Variants in ROBO2 observed in about 807,000 individuals in gnomAD.
The protein encoded by ROBO2 is roundabout homolog 2.
ROBO2 carries 53 observed loss-of-function variants against 160.8 expected under a neutral mutation model. The ratio of observed to expected loss-of-function variants is 0.33; its 90% CI spans 0.26 to 0.41. The LOEUF is 0.41. Ranked by LOEUF, ROBO2 falls within the 10% of genes least tolerant of loss-of-function variation. The pLI is 1.00. For synonymous variants in ROBO2, 664 were observed against 611.7 expected (o/e 1.09, Z -1.26); for missense variants, 1,577 against 1,722.4 (o/e 0.92, Z 1.49).
intron 2 of ROBO2, among the ~76,000 whole-genome samples, chr3:77,371,026 A>G (rs1020729704): frequency 6.6e-6 from 1 of 152,172 alleles, no homozygotes; most frequent in Non-Finnish European, 1.5e-5. Context: ...CATCCTGGAA[A>G]AAGAGCGGAT....
intron 2 of ROBO2, among the ~76,000 whole-genome samples, chr3:76,526,530 A>G (rs1333751218): frequency 4.6e-5 from 7 of 152,050 alleles, no homozygotes; most frequent in Admixed American, 4.6e-4. Context: ...AAGGTGACAG[A>G]ATTATCCTAA....
chr3:76,414,509 C>T (rs922198999), intron 2 of ROBO2, among the ~76,000 whole-genome samples: 17 of 149,792 alleles, frequency 1.1e-4, no homozygotes, highest in African/African-American at 2.7e-4. Context: ...AGTAAACTAT[C>T]GCAAGAAGAA....
chr3:76,343,756 C>T (rs535244282), intron 2 of ROBO2, among the ~76,000 whole-genome samples: 169 of 152,062 alleles, frequency 1.1e-3, no homozygotes, highest in Non-Finnish European at 2.1e-3. Context: ...CTGTGCCCAG[C>T]AGTATAGTAG....
chr3:76,458,476 A>T (rs2077901680), intron 2 of ROBO2, among the ~76,000 whole-genome samples: 1 of 152,102 alleles, frequency 6.6e-6, no homozygotes, highest in South Asian at 2.1e-4. Flanking sequence ...GTCTCTAGGA[A>T]ATTCGAAACT....
intron 2 of ROBO2, among the ~76,000 whole-genome samples, chr3:76,679,636 T>C (rs1302248281): frequency 6.6e-6 from 1 of 152,192 alleles, no homozygotes; most frequent in Non-Finnish European, 1.5e-5. Flanking sequence ...TTGGATACTT[T>C]ATTCTAGAAG....
intron 2 of ROBO2, among the ~76,000 whole-genome samples, chr3:77,005,198 C>T (rs894748052): frequency 6.6e-6 from 1 of 152,178 alleles, no homozygotes; most frequent in Non-Finnish European, 1.5e-5. Flanking sequence ...TTTCCTGACT[C>T]TATGGCCGCC....
chr3:76,714,698 C>A (rs1336321374), intron 2 of ROBO2, among the ~76,000 whole-genome samples: 1 of 152,066 alleles, frequency 6.6e-6, no homozygotes, highest in Non-Finnish European at 1.5e-5. Flanking sequence ...AAAATTAACA[C>A]CAGACTTAAG....
intron 2 of ROBO2, among the ~76,000 whole-genome samples, chr3:77,427,113 G>A (rs762020691): frequency 7.2e-5 from 11 of 152,174 alleles, no homozygotes; most frequent in Admixed American, 1.3e-4. Flanking sequence ...CGGAATATGA[G>A]CAACCTGTTT....
intron 2 of ROBO2, among the ~76,000 whole-genome samples, chr3:77,274,043 A>G (rs1580560784): frequency 6.6e-6 from 1 of 152,128 alleles, no homozygotes; most frequent in Non-Finnish European, 1.5e-5. Context: ...AGTTATTAAT[A>G]AAATTATTTA....
At chr3:76,491,455 G>T (rs1263697785) in intron 2 of ROBO2, among the ~76,000 whole-genome samples, 3 of 152,098 alleles carry the variant, frequency 2.0e-5, no homozygotes, top group African/African-American at 7.2e-5. Context: ...AAAGGAACTT[G>T]GAAGTTACTG....
At chr3:76,341,345 T>C (rs996401859) in intron 2 of ROBO2, among the ~76,000 whole-genome samples, 1 of 146,274 alleles carries the variant, frequency 6.8e-6, no homozygotes, top group East Asian at 2.0e-4. Context: ...TGTCCCCTAC[T>C]ACGGGTCCAA....
chr3:76,206,587 G>C (rs1198007022), intron 2 of ROBO2, among the ~76,000 whole-genome samples: 1 of 152,092 alleles, frequency 6.6e-6, no homozygotes, highest in African/African-American at 2.4e-5. Context: ...TGGGTCCAAC[G>C]TGCATATAGA....
chr3:75,925,607 A>G (rs545102942), intron 1 of ROBO2, among the ~76,000 whole-genome samples: 68 of 152,276 alleles, frequency 4.5e-4, no homozygotes, highest in Admixed American at 9.8e-4. Context: ...GGGAGGGTTG[A>G]AGTTTTGAGA....
At chr3:76,836,701 T>A (rs1386798389) in intron 2 of ROBO2, among the ~76,000 whole-genome samples, 1 of 151,872 alleles carries the variant, frequency 6.6e-6, no homozygotes, top group African/African-American at 2.4e-5. Context: ...TATCTAGATA[T>A]CTTTCTTTTA....
intron 2 of ROBO2, among the ~76,000 whole-genome samples, chr3:76,919,504 G>A (rs1440352359): frequency 1.3e-5 from 2 of 151,936 alleles, no homozygotes; most frequent in East Asian, 1.9e-4. Flanking sequence ...AAATTTAATA[G>A]TATCTTCTTG....
chr3:76,893,758 A>G (rs1189223364), intron 2 of ROBO2, among the ~76,000 whole-genome samples: 1 of 152,004 alleles, frequency 6.6e-6, no homozygotes, highest in Non-Finnish European at 1.5e-5. Flanking sequence ...GGAATGATAG[A>G]ACTTATACCT....
chr3:76,824,960 G>A (rs1159808000), intron 2 of ROBO2, among the ~76,000 whole-genome samples: 1 of 152,088 alleles, frequency 6.6e-6, no homozygotes, highest in Non-Finnish European at 1.5e-5. Flanking sequence ...AAACCTGCTG[G>A]GAAATTTCCA....
intron 2 of ROBO2, among the ~76,000 whole-genome samples, chr3:76,888,543 A>G (rs2074093763): frequency 6.6e-6 from 1 of 152,232 alleles, no homozygotes; most frequent in South Asian, 2.1e-4. Flanking sequence ...ATGAATAGGA[A>G]TTAAAGTTTT....
intron 2 of ROBO2, among the ~76,000 whole-genome samples, chr3:76,781,603 A>T (rs2062649483): frequency 6.6e-6 from 1 of 150,782 alleles, no homozygotes; most frequent in Non-Finnish European, 1.5e-5. Flanking sequence ...AATCATGAAA[A>T]TGTGTTGAAT....
Sources: allele counts gnomAD v4.1 joint callset (sites outside exome capture counted in the v4.1 genomes callset), GRCh38; gene constraint gnomAD v4.1.1; transcripts MANE v1.5; gene names NCBI Gene and HGNC (gene_info 2026-07-23, HGNC 2026-07-21).